KCNC1: variants seen among roughly 807,000 people sequenced by gnomAD.
KCNC1 encodes voltage-gated potassium channel KCNC1.
KCNC1 carries 8 observed loss-of-function variants against 43.4 expected under a neutral mutation model. The observed-to-expected ratio is 0.18, with a 90% CI of 0.11 to 0.33. The LOEUF (loss-of-function observed/expected upper bound fraction) is 0.33, where lower values mean the gene tolerates loss of function less well. Ranked by LOEUF, KCNC1 falls within the 10% of genes least tolerant of loss-of-function variation. The pLI, the probability that KCNC1 is intolerant of heterozygous loss-of-function variation, is 1.00. For synonymous variants in KCNC1, 361 were observed against 360.5 expected, an observed-to-expected ratio of 1.00 and a Z score of -0.01; for missense variants, 420 against 836.0, an observed-to-expected ratio of 0.50 and a Z score of 6.14.
intron 1 of KCNC1, among the ~76,000 whole-genome samples, chr11:17,748,998 G>T (rs1433056425): frequency 6.6e-6 from 1 of 152,198 alleles, no homozygotes; most frequent in Non-Finnish European, 1.5e-5. Context: ...GAGATCATGT[G>T]AGCTCTTTCC....
At chr11:17,746,383 G>T (rs1444362977) in intron 1 of KCNC1, among the ~76,000 whole-genome samples, 2 of 152,134 alleles carry the variant, frequency 1.3e-5, no homozygotes, top group Non-Finnish European at 2.9e-5. Context: ...TTGAGGCCAC[G>T]AAACTGTTTT....
chr11:17,735,908 A>G lies in KCNC1; in HGVS notation c.-95A>G, dbSNP rs893165966. On this transcript the variant is annotated 5_prime_UTR_variant, in exon 1 of 4. Transcript: ENST00000265969. This position sits in a 1 kb window ranked among gnomAD's most constrained non-coding sequence, Gnocchi z 6.7. ...CCCCCGACGGCTGGGGGGAGGGGGG[A>G]AGAGGGCGCGCGCCCCCCTCCCCGG... The G allele has an allele frequency of 2.3e-6, 3 of 1,301,540 alleles. No homozygotes were observed. Among genetic ancestry groups the G allele is most frequent in the Non-Finnish European group, 3.0e-6 (3 of 1,012,148 alleles). The allele number at this position is 1,301,540 out of a possible 1,614,324, so 80.6% of individuals were successfully genotyped here.
intron 3 of KCNC1, chr11:17,780,889 G>T (rs1478432448): frequency 1.3e-5 from 2 of 152,158 alleles, no homozygotes; most frequent in African/African-American, 4.8e-5. Flanking sequence ...GCAACTCCCC[G>T]CATGGTGCTG....
At chr11:17,762,956 A>C (rs1488788464) in intron 1 of KCNC1, among the ~76,000 whole-genome samples, 3 of 152,214 alleles carry the variant, frequency 2.0e-5, no homozygotes, top group Non-Finnish European at 4.4e-5. Context: ...CCAGGAAGAA[A>C]TACCATTCCG....
chr11:17,758,741 G>T (rs765911427), intron 1 of KCNC1, among the ~76,000 whole-genome samples: 1 of 152,172 alleles, frequency 6.6e-6, no homozygotes, highest in Non-Finnish European at 1.5e-5. Context: ...TGAGCAGTAG[G>T]TCTCAACAGT....
chr11:17,771,950 A>G lies in KCNC1; in HGVS notation c.856A>G (p.Ile286Val). 6.2e-7 allele frequency: 1 copy of G among 1,614,186 alleles called. No homozygotes were observed. Among genetic ancestry groups the G allele is most frequent in the Non-Finnish European group, 8.5e-7 (1 of 1,180,032 alleles). The change falls in exon 2 of 4, where the codon ATC becomes GTC. Residue 286 changes from isoleucine (I) to valine (V), a missense_variant. This residue lies in a region of KCNC1 where 58 missense variants were observed against 256.9 expected (regional missense o/e 0.23). Coordinates refer to ENST00000265969, the MANE Select transcript of KCNC1 (RefSeq NM_001112741.2). This position sits in a 1 kb window ranked among gnomAD's most constrained non-coding sequence, Gnocchi z 4.7. ...GCTCAACATCATTGACTTTGTGGCCATCCTGCCCTTCTACCTGGAGGTGGG... is the reference window on the plus strand; with the variant it reads ...GCTCAACATCATTGACTTTGTGGCCGTCCTGCCCTTCTACCTGGAGGTGGG... ...NSLNIIDFVA[I>V]LPFYLEVGLS...
chr11:17,766,063 G>A (rs757739575), intron 1 of KCNC1, among the ~76,000 whole-genome samples: 2 of 152,222 alleles, frequency 1.3e-5, no homozygotes, highest in Middle Eastern at 3.2e-3. Flanking sequence ...ACCTGGGGTC[G>A]GGAGAGAGAA....
chr11:17,762,561 G>A (rs1007756472), intron 1 of KCNC1, among the ~76,000 whole-genome samples: 6 of 152,212 alleles, frequency 3.9e-5, no homozygotes, highest in Non-Finnish European at 8.8e-5. Context: ...GTGACGTCAC[G>A]GTCCTGCCGT....
intron 1 of KCNC1, among the ~76,000 whole-genome samples, chr11:17,762,449 C>A (rs1359047853): frequency 6.6e-6 from 1 of 152,222 alleles, no homozygotes; most frequent in Non-Finnish European, 1.5e-5. Context: ...ATTATTTCAA[C>A]TCACTGTTAC....
intron 1 of KCNC1, chr11:17,765,745 TTGCCTGAGGGC>T (rs1461976703): frequency 1.2e-4 from 18 of 152,248 alleles, no homozygotes; most frequent in African/African-American, 4.3e-4. Context: ...TGGGTGACAG[TTGCCTGAGGGC>T]TGCCCAGCAG....
At chr11:17,772,739 G>A in intron 2 of KCNC1, 141 bp downstream of exon 2, 3 of 1,498,490 alleles carry the variant, frequency 2.0e-6, no homozygotes, top group Middle Eastern at 5.0e-4. Context: ...GTGGAGCCTG[G>A]GGGCCCAGGG....
chr11:17,754,726 C>T (rs576756233), intron 1 of KCNC1, among the ~76,000 whole-genome samples: 1 of 152,206 alleles, frequency 6.6e-6, no homozygotes, highest in Non-Finnish European at 1.5e-5. Context: ...GATTCAGCCA[C>T]CTCATGGACC....
intron 1 of KCNC1, among the ~76,000 whole-genome samples, chr11:17,764,019 G>A (rs62644041): frequency 0.99 from 102,611 of 103,478 alleles, 50,882 homozygotes; most frequent in African/African-American, 0.99. Flanking sequence ...CACCCCACAC[G>A]TGCACATATA....
Position 17,735,972 on chromosome 11 carries a change from T to C in KCNC1, c.-31T>C, listed in dbSNP as rs529678348. 1.4e-6 allele frequency: 2 copies of C among 1,406,984 alleles called. No individual in the cohort carries two copies. Among genetic ancestry groups the C allele is most frequent in the Admixed American group, 6.4e-5 (2 of 31,122 alleles). 87.2% of individuals were successfully genotyped at this position (1,406,984 alleles called of 1,614,324 possible). A position where few individuals can be genotyped will look rare whatever the true frequency, so the allele number is the denominator to read the frequency against. On this transcript the variant is annotated 5_prime_UTR_variant, in exon 1 of 4. Transcript: ENST00000265969. This position sits in a 1 kb window ranked among gnomAD's most constrained non-coding sequence, Gnocchi z 6.7. ...TGGCGGCCGCTCCCATGGGTGTCGC[T>C]GGGCCGCGCCATGCCTAAGGGGGCG...
chr11:17,770,479 G>A (rs542440406), intron 1 of KCNC1, among the ~76,000 whole-genome samples: 29 of 152,300 alleles, frequency 1.9e-4, no homozygotes, highest in South Asian at 1.2e-3. Flanking sequence ...TTAGAGTCCC[G>A]GCGGGGCTGG....
intron 1 of KCNC1, among the ~76,000 whole-genome samples, chr11:17,761,813 C>T (rs988095289): frequency 5.3e-5 from 8 of 152,184 alleles, no homozygotes; most frequent in Admixed American, 1.3e-4. Flanking sequence ...TGTTCCCACC[C>T]GTAACTACTA....
intron 1 of KCNC1, among the ~76,000 whole-genome samples, chr11:17,770,963 C>A (rs1045939252): frequency 1.2e-4 from 18 of 152,308 alleles, no homozygotes; most frequent in African/African-American, 4.3e-4. Flanking sequence ...TTGAGTACCT[C>A]CAAGGACAGG....
chr11:17,762,218 C>T (rs1056242891), intron 1 of KCNC1, among the ~76,000 whole-genome samples: 7 of 152,156 alleles, frequency 4.6e-5, no homozygotes, highest in African/African-American at 1.7e-4. Flanking sequence ...TGGGAAGAGA[C>T]GGGTCTCTGA....
Position 17,782,464 on chromosome 11 carries a change from TC to T in KCNC1, c.*731del, listed in dbSNP as rs1308995404. The stretch of plus-strand genomic sequence containing the variant: ...CAGCAGCTAGTCTAGGTTGATTCTC[TC>T]ATCTTATCGGTGTGTAGATCCAGTG... On this transcript the variant is annotated 3_prime_UTR_variant, in exon 4 of 4. Coordinates refer to ENST00000265969, the MANE Select transcript of KCNC1 (RefSeq NM_001112741.2). 2 of 152,214 alleles carry T rather than the reference TC, an allele frequency of 1.3e-5. No homozygotes were observed. Among genetic ancestry groups the T allele is most frequent in the Non-Finnish European group, 2.9e-5 (2 of 68,050 alleles). The allele number at this position is 152,214 out of a possible 1,614,324, so 9.4% of individuals were successfully genotyped here. A position where few individuals can be genotyped will look rare whatever the true frequency, so the allele number is the denominator to read the frequency against.
Sources: gnomAD v4.1 joint callset for allele counts (sites outside exome capture counted in the v4.1 genomes callset) on GRCh38, gnomAD v4.1.1 for gene constraint, gnomAD v4.1.1 regional missense constraint, Gnocchi (gnomAD v3.1) non-coding constraint, MANE v1.5 for transcripts, NCBI Gene and HGNC (gene_info 2026-07-23, HGNC 2026-07-21) for gene names.